The following TG variants were observed in gnomAD, a reference collection of about 807,000 sequenced individuals.
TG encodes the protein thyroglobulin, also known as thyroid hormones.
TG carries 270 observed loss-of-function variants against 324.7 expected under a neutral mutation model. The observed-to-expected ratio is 0.83, with a 90% CI of 0.75 to 0.92. TG has a LOEUF of 0.92. TG is among the 40% of genes least tolerant of loss of function. The pLI, the probability that TG is intolerant of heterozygous loss-of-function variation, is 0.00. For missense variants in TG, 3,591 were observed against 3,456.4 expected (o/e 1.04, Z -0.98); for synonymous variants, 1,401 against 1,327.0 (o/e 1.06, Z -1.21).
At chr8:133,011,123 T>C (rs1834468799) in intron 35 of TG, among the ~76,000 whole-genome samples, 1 of 152,068 alleles carries the variant, frequency 6.6e-6, no homozygotes, top group South Asian at 2.1e-4. Context: ...AGGGGCAGGA[T>C]TGGCCAGAGG....
At chr8:133,062,589 C>G (rs1842523947) in intron 41 of TG, among the ~76,000 whole-genome samples, 1 of 152,274 alleles carries the variant, frequency 6.6e-6, no homozygotes, top group East Asian at 1.9e-4. Context: ...ACCAGGCCTC[C>G]CTGGCCCTGA....
At position 132,873,062 on chromosome 8, in the gene TG, G is replaced by A; in HGVS notation, c.479G>A (p.Cys160Tyr). Residue 160 changes from cysteine (C) to tyrosine (Y), a missense_variant and splice_region_variant, in exon 5 of 48, where the codon TGT becomes TAT. By Grantham distance (194) the Cys-to-Tyr change is radical (BLOSUM62 -2). Coordinates refer to ENST00000220616, the MANE Select transcript of TG (RefSeq NM_003235.5). ...GTRQLGRPKR[C>Y]PRSCEIRNRR... ...ATTTTTTTTTCGTGAAAATGTTTAG[G>A]TCCAAGGAGCTGTGAAATAAGAAAT... 1 of 1,614,134 alleles carries A rather than the reference G, an allele frequency of 6.2e-7. No individual in the cohort carries two copies. Among genetic ancestry groups the A allele is most frequent in the Non-Finnish European group, 8.5e-7 (1 of 1,180,020 alleles).
intron 35 of TG, among the ~76,000 whole-genome samples, chr8:132,994,105 AG>A (rs1832647745): frequency 6.6e-6 from 1 of 152,204 alleles, no homozygotes; most frequent in Non-Finnish European, 1.5e-5. Flanking sequence ...ATTCTCATCT[AG>A]AATGGCAATC....
At chr8:133,076,420 G>C (rs1844869348) in intron 41 of TG, among the ~76,000 whole-genome samples, 1 of 152,234 alleles carries the variant, frequency 6.6e-6, no homozygotes, top group Admixed American at 6.5e-5. Flanking sequence ...CTCTGCACTA[G>C]AGAGATGGTT....
intron 11 of TG, among the ~76,000 whole-genome samples, chr8:132,894,801 A>G (rs992654566): frequency 6.6e-6 from 1 of 152,222 alleles, no homozygotes; most frequent in Non-Finnish European, 1.5e-5. Context: ...GCAGGCACTT[A>G]CTGTGCTAAG....
chr8:132,922,712 G>A (rs1386993401), intron 21 of TG, among the ~76,000 whole-genome samples: 4 of 152,240 alleles, frequency 2.6e-5, no homozygotes, highest in African/African-American at 9.6e-5. Flanking sequence ...TTTGGTGTCT[G>A]ATAAAGGTAT....
At chr8:132,869,598 A>G (rs1271095947) in intron 2 of TG, 131 bp from the exon 3 acceptor site, 2 of 798,470 alleles carry the variant, frequency 2.5e-6, no homozygotes, top group Non-Finnish European at 4.2e-6. Context: ...TCTCCACTCC[A>G]CTCTCTCCCT....
chr8:133,030,836 A>G (rs1422248503), intron 41 of TG, among the ~76,000 whole-genome samples: 2 of 152,232 alleles, frequency 1.3e-5, no homozygotes, highest in African/African-American at 4.8e-5. Context: ...ACCTAGAGAC[A>G]AAGTCCTGGC....
chr8:133,080,979 G>A (rs546290676), intron 41 of TG, among the ~76,000 whole-genome samples: 13 of 152,356 alleles, frequency 8.5e-5, no homozygotes, highest in African/African-American at 2.2e-4. Flanking sequence ...GACACATTGC[G>A]TATTGGAGTA....
intron 41 of TG, among the ~76,000 whole-genome samples, chr8:133,078,372 C>T (rs1478174610): frequency 6.6e-6 from 1 of 152,214 alleles, no homozygotes; most frequent in Non-Finnish European, 1.5e-5. Context: ...CTTCTCACAA[C>T]AGAGGCCCAG....
At chr8:132,871,586 G>A (rs756437498) in intron 4 of TG, 35 bp downstream of exon 4, 3 of 1,601,668 alleles carry the variant, frequency 1.9e-6, no homozygotes, top group Non-Finnish European at 2.6e-6. Context: ...CCCTAGAGCT[G>A]GGGAGGGGCT....
intron 35 of TG, among the ~76,000 whole-genome samples, chr8:132,989,664 T>A (rs1832057484): frequency 6.6e-6 from 1 of 152,188 alleles, no homozygotes; most frequent in Non-Finnish European, 1.5e-5. Context: ...AGGAATCAAC[T>A]TTGTCTGCTT....
chr8:132,911,867 C>T (rs1013262957), intron 19 of TG, among the ~76,000 whole-genome samples: 4 of 152,126 alleles, frequency 2.6e-5, no homozygotes, highest in African/African-American at 9.7e-5. Flanking sequence ...ACTTATGTCT[C>T]GTCTGTTTCT....
intron 41 of TG, among the ~76,000 whole-genome samples, chr8:133,085,735 T>C (rs1027071858): frequency 2.0e-5 from 3 of 152,204 alleles, no homozygotes; most frequent in African/African-American, 7.2e-5. Flanking sequence ...TTACTGAAGA[T>C]ATGAAGAAGT....
At position 132,919,491 on chromosome 8, in the gene TG, G is replaced by A. The variant is rs147167579; in HGVS notation, c.4494G>A (p.Thr1498=). 61 of 1,613,870 alleles carry A rather than the reference G, an allele frequency of 3.8e-5. No individual in the cohort carries two copies. The highest frequency in any genetic ancestry group is 4.9e-5 in the Non-Finnish European group (58 of 1,179,956). The part of the protein sequence containing the change: ...LACVPCPVGR[T]TISAGAFSQT... ...GTGTCCCATGTCCTGTGGGCAGAAC[G>A]ACCATTTCTGCTGGAGCTTTCAGCC... The change falls in exon 21 of 48, where the codon ACG becomes ACA. Residue 1498 remains threonine (T), a synonymous_variant. Coordinates refer to ENST00000220616, the MANE Select transcript of TG (RefSeq NM_003235.5).
chr8:133,055,797 C>T (rs540181261), intron 41 of TG, among the ~76,000 whole-genome samples: 2 of 152,186 alleles, frequency 1.3e-5, no homozygotes, highest in South Asian at 4.1e-4. Flanking sequence ...TTTCATTCCA[C>T]CATTCCCTTC....
chr8:132,948,464 G>T (rs1825661720), intron 26 of TG, among the ~76,000 whole-genome samples: 1 of 152,076 alleles, frequency 6.6e-6, no homozygotes, highest in African/African-American at 2.4e-5. Flanking sequence ...GAGGATTCTG[G>T]CAGTGATGCC....
intron 26 of TG, among the ~76,000 whole-genome samples, chr8:132,943,904 C>T (rs1172436206): frequency 6.6e-6 from 1 of 152,170 alleles, no homozygotes; most frequent in Non-Finnish European, 1.5e-5. Context: ...TGTGCCTTCT[C>T]TTCTCCTTCA....
intron 35 of TG, among the ~76,000 whole-genome samples, chr8:132,989,462 G>A (rs923398258): frequency 6.6e-6 from 1 of 152,226 alleles, no homozygotes; most frequent in Non-Finnish European, 1.5e-5. Context: ...AGAGCGGACT[G>A]TGAAGAAGGC....
Sources: allele counts gnomAD v4.1 joint callset (sites outside exome capture counted in the v4.1 genomes callset), GRCh38; gene constraint gnomAD v4.1.1; transcripts MANE v1.5; gene names NCBI Gene and HGNC (gene_info 2026-07-23, HGNC 2026-07-21).